Variants in ANXA11 observed in about 807,000 individuals in gnomAD.
ANXA11 encodes 56 kDa autoantigen.
Under a neutral mutation model 64.7 loss-of-function variants are expected in ANXA11, and 57 were observed. The observed-to-expected ratio is 0.88, with a 90% CI of 0.71 to 1.10. The LOEUF (loss-of-function observed/expected upper bound fraction) is 1.10. Among genes scored for constraint, ANXA11 ranks in the 50% least tolerant of loss-of-function variants. The pLI is 0.00. For missense variants in ANXA11, 675 were observed against 670.7 expected (o/e 1.01, Z -0.07); for synonymous variants, 260 against 265.2 (o/e 0.98, Z 0.19).
intron 1 of ANXA11, among the ~76,000 whole-genome samples, chr10:80,200,029 C>A (rs1383485676): frequency 1.3e-5 from 2 of 152,196 alleles, no homozygotes; most frequent in African/African-American, 4.8e-5. Flanking sequence ...AAATGAGAGG[C>A]AGAGCAGTCC....
intron 12 of ANXA11, among the ~76,000 whole-genome samples, chr10:80,161,564 G>A (rs188672516): frequency 7.9e-5 from 12 of 152,360 alleles, no homozygotes; most frequent in African/African-American, 1.2e-4. Context: ...ATGCGGGAGC[G>A]CGATTTACAT....
Position 80,157,786 on chromosome 10 carries a change from C to G in ANXA11, c.1336-23G>C, listed in dbSNP as rs201343738. 6.6e-5 allele frequency: 106 copies of G among 1,606,792 alleles called. 1 individual carries two copies. The highest frequency in any genetic ancestry group is 1.7e-4 in the Middle Eastern group (1 of 6,034). ...CCCCTAAAGAGAGTCCACCCAAGAGCATGAGCACCAGGCCTCCTCACCTTC... is the reference window on the plus strand; with the variant it reads ...CCCCTAAAGAGAGTCCACCCAAGAGGATGAGCACCAGGCCTCCTCACCTTC... On this transcript the variant is annotated intron_variant, in intron 14 of 15. Transcript: ENST00000422982.
intron 3 of ANXA11, chr10:80,171,928 C>A: frequency 1.0e-6 from 1 of 985,538 alleles, no homozygotes; most frequent in South Asian, 4.7e-5. Context: ...CAGCCCCTAA[C>A]ATGCCCTGGG....
intron 7 of ANXA11, 45 bp downstream of exon 7, chr10:80,166,845 C>T: frequency 1.4e-6 from 2 of 1,445,636 alleles, no homozygotes; most frequent in Non-Finnish European, 9.5e-7. Flanking sequence ...CTGTGCTGAG[C>T]CCAGGACACG....
chr10:80,170,392 T>C (rs1303547794), intron 4 of ANXA11, among the ~76,000 whole-genome samples: 1 of 152,196 alleles, frequency 6.6e-6, no homozygotes, highest in East Asian at 1.9e-4. Flanking sequence ...CTGCCCAAGA[T>C]ACCTGCCACA....
At chr10:80,195,749 A>G in intron 1 of ANXA11, 1 of 162,642 alleles carries the variant, frequency 6.1e-6, no homozygotes, top group Non-Finnish European at 1.3e-5. Context: ...GTGGCTGGGG[A>G]GGCCTCACAA....
intron 1 of ANXA11, among the ~76,000 whole-genome samples, chr10:80,202,201 GGAA>G: frequency 2.0e-5 from 3 of 150,722 alleles, no homozygotes; most frequent in African/African-American, 4.9e-5. Flanking sequence ...TCTGTGGGGG[GGAA>G]GCGGGGGGTC....
At chr10:80,173,651 C>A (rs916110711) in intron 2 of ANXA11, among the ~76,000 whole-genome samples, 3 of 152,188 alleles carry the variant, frequency 2.0e-5, no homozygotes, top group Non-Finnish European at 4.4e-5. Flanking sequence ...AGGAGGGACA[C>A]AGATCTGCTG....
At chr10:80,170,986 C>T (rs966916623) in intron 3 of ANXA11, 71 bp from the exon 4 acceptor site, 17 of 1,529,166 alleles carry the variant, frequency 1.1e-5, no homozygotes, top group Admixed American at 4.4e-5. Context: ...GAGATGAGAG[C>T]TCCCAGGTGG....
At chr10:80,168,512 C>G (rs1251162578) in intron 5 of ANXA11, among the ~76,000 whole-genome samples, 4 of 152,060 alleles carry the variant, frequency 2.6e-5, no homozygotes, top group Non-Finnish European at 5.9e-5. Context: ...AGGTGACGCT[C>G]TTTGTTTGTC....
chr10:80,191,407 C>A (rs1846770615), intron 1 of ANXA11, among the ~76,000 whole-genome samples: 1 of 151,902 alleles, frequency 6.6e-6, no homozygotes, highest in African/African-American at 2.4e-5. Flanking sequence ...AAACAAACAA[C>A]AACAAAAAAA....
At position 80,184,273 on chromosome 10, in the gene ANXA11, TACATCCAAA is replaced by T. The variant is rs1292035717; in HGVS notation, c.-57-8127_-57-8119del. On this transcript the variant is annotated intron_variant, in intron 1 of 15. Coordinates refer to ENST00000422982, the MANE Select transcript of ANXA11 (RefSeq NM_145868.2). Reference sequence around the variant, plus strand: ...GATGCTCCTTGACTTATGATAGGGTTACATCCAAATAAAGCCATCATGAGTTGAAAATGC... The same window carrying T: ...GATGCTCCTTGACTTATGATAGGGTTTAAAGCCATCATGAGTTGAAAATGC... Among the ~76,000 whole-genome samples the T allele has an allele frequency of 3.3e-5, 5 of 152,218 alleles. No individual in the cohort carries two copies. In the East Asian group the frequency reaches 9.6e-4, roughly 29 times the overall value.
intron 1 of ANXA11, among the ~76,000 whole-genome samples, chr10:80,183,598 TGAC>T (rs1331695975): frequency 6.6e-6 from 1 of 152,244 alleles, no homozygotes; most frequent in African/African-American, 2.4e-5. Flanking sequence ...TGCAGGCAGC[TGAC>T]GACAAAACCT....
chr10:80,198,533 T>C (rs1840272506), intron 1 of ANXA11, among the ~76,000 whole-genome samples: 1 of 152,214 alleles, frequency 6.6e-6, no homozygotes, highest in South Asian at 2.1e-4. Context: ...TCAGGTCCCA[T>C]CACAGACCTC....
intron 15 of ANXA11, chr10:80,157,289 G>T: frequency 1.4e-5 from 14 of 985,420 alleles, no homozygotes; most frequent in Non-Finnish European, 1.7e-5. Flanking sequence ...TGCTTTGTCA[G>T]GGAGTGACAG....
Position 80,158,001 on chromosome 10 carries a change from G to T in ANXA11, c.1301C>A (p.Ala434Asp), listed in dbSNP as rs1293056598. The T allele has an allele frequency of 2.5e-6, 4 of 1,614,096 alleles. No individual in the cohort carries two copies. Among genetic ancestry groups the T allele is most frequent in the African/African-American group, 1.3e-5 (1 of 75,042 alleles). ...AVVKCLKNTP[A>D]FFAERLNKAM... ...CTTGTTGAGCCTCTCCGCAAAGAAGGCTGGGGTATTCTTGAGACATTTCAC... is the reference window on the plus strand; with the variant it reads ...CTTGTTGAGCCTCTCCGCAAAGAAGTCTGGGGTATTCTTGAGACATTTCAC... The change falls in exon 14 of 16, where the codon GCC becomes GAC. Residue 434 changes from alanine to aspartate, a missense_variant. Physicochemically the swap from Ala to Asp is moderately radical, Grantham distance 126. Transcript: ENST00000422982.
intron 2 of ANXA11, among the ~76,000 whole-genome samples, chr10:80,174,766 C>T (rs1166572937): frequency 1.3e-5 from 2 of 152,188 alleles, no homozygotes; most frequent in East Asian, 3.9e-4. Context: ...CCATGTTGGC[C>T]AGGCTGGTCT....
At position 80,172,420 on chromosome 10, in the gene ANXA11, G is replaced by A. The variant is rs555296663; in HGVS notation, c.55+387C>T. ...GCAATGCTTTGGAGGACACCGTGTC[G>A]CTCTGCCTGCCTATCTCATCAGTAT... is the stretch of plus-strand genomic sequence containing the variant. On this transcript the variant is annotated intron_variant, in intron 3 of 15. Coordinates refer to ENST00000422982, the MANE Select transcript of ANXA11 (RefSeq NM_145868.2). 8.5e-5 allele frequency among the ~76,000 whole-genome samples: 13 copies of A among 152,278 alleles called. No individual in the cohort carries two copies. The South Asian group carries it at 2.1e-3, about 24-fold the overall frequency.
chr10:80,159,236 G>A, intron 12 of ANXA11, 41 bp from the exon 13 acceptor site: 1 of 1,543,782 alleles, frequency 6.5e-7, no homozygotes, highest in Non-Finnish European at 9.0e-7. Flanking sequence ...ACTGAAATGT[G>A]TCTCCCCAAA....
Sources: allele counts gnomAD v4.1 joint callset (sites outside exome capture counted in the v4.1 genomes callset), GRCh38; gene constraint gnomAD v4.1.1; transcripts MANE v1.5; gene names NCBI Gene and HGNC (gene_info 2026-07-23, HGNC 2026-07-21).